The following KCNT2 variants were observed in gnomAD, a reference collection of about 807,000 sequenced individuals.
KCNT2 encodes the protein potassium sodium-activated channel subfamily T member 2, also known as potassium channel subfamily T member 2.
In KCNT2, 67 loss-of-function variants were observed where a neutral mutation model predicts 153.8. The ratio of observed to expected loss-of-function variants is 0.44; its 90% CI spans 0.36 to 0.53. The LOEUF is 0.53. Ranked by LOEUF, KCNT2 falls within the 20% of genes least tolerant of loss-of-function variation. The probability of loss-of-function intolerance (pLI) is 0.00; values close to 1 mark genes in which losing one functional copy is unlikely to be tolerated. For synonymous variants in KCNT2, 500 were observed against 458.8 expected (o/e 1.09, Z -1.15); for missense variants, 975 against 1,354.8 (o/e 0.72, Z 4.40).
chr1:196,483,659 G>C (rs2148709995), intron 3 of KCNT2, among the ~76,000 whole-genome samples: 1 of 152,176 alleles, frequency 6.6e-6, no homozygotes, highest in African/African-American at 2.4e-5. Flanking sequence ...CCCTCTCTGA[G>C]GATTCCACTT....
At chr1:196,338,744 T>C (rs1572090830) in intron 16 of KCNT2, among the ~76,000 whole-genome samples, 1 of 151,876 alleles carries the variant, frequency 6.6e-6, no homozygotes, top group East Asian at 1.9e-4. Context: ...TTGTTGATCC[T>C]GCAGTTCAGG....
intron 1 of KCNT2, among the ~76,000 whole-genome samples, chr1:196,535,690 A>G (rs1029967834): frequency 6.6e-6 from 1 of 152,202 alleles, no homozygotes; most frequent in East Asian, 1.9e-4. Flanking sequence ...TTGAGGAATC[A>G]TAGACAGTTT....
Position 196,512,455 on chromosome 1 carries a change from C to T in KCNT2, c.96-20114G>A, listed in dbSNP as rs570910894. ...CATATCGAAACTTAAATTCCTTGTT[C>T]TCTTCCCTGAAACCTCCTTTCCATG... is the stretch of plus-strand genomic sequence containing the variant. On this transcript the variant is annotated intron_variant, in intron 1 of 27. Coordinates refer to ENST00000294725, the MANE Select transcript of KCNT2 (RefSeq NM_198503.5). 2.6e-5 allele frequency among the ~76,000 whole-genome samples: 4 copies of T among 152,284 alleles called. No individual in the cohort carries two copies. The South Asian group carries it at 6.2e-4, about 24-fold the overall frequency.
At chr1:196,257,659 G>A in intron 26 of KCNT2, 1 of 968,516 alleles carries the variant, frequency 1.0e-6, no homozygotes, top group Non-Finnish European at 1.2e-6. Flanking sequence ...TCATATATAG[G>A]AACTGAACAA....
At chr1:196,431,585 A>G (rs1303519037) in intron 8 of KCNT2, among the ~76,000 whole-genome samples, 3 of 152,142 alleles carry the variant, frequency 2.0e-5, no homozygotes, top group African/African-American at 4.8e-5. Flanking sequence ...ACAAAGTGGT[A>G]AAACTTGGTA....
chr1:196,323,241 T>C (rs923918965), intron 19 of KCNT2, among the ~76,000 whole-genome samples: 5 of 151,978 alleles, frequency 3.3e-5, no homozygotes, highest in African/African-American at 9.7e-5. Context: ...CTTGGCACCA[T>C]ATGTGGAAAG....
At chr1:196,535,467 A>G (rs1471165427) in intron 1 of KCNT2, among the ~76,000 whole-genome samples, 1 of 152,158 alleles carries the variant, frequency 6.6e-6, no homozygotes, top group East Asian at 1.9e-4. Context: ...CACTCTAACA[A>G]ATATTTGAGA....
intron 11 of KCNT2, among the ~76,000 whole-genome samples, chr1:196,423,460 C>T (rs1055239138): frequency 1.3e-5 from 2 of 151,698 alleles, no homozygotes; most frequent in Non-Finnish European, 2.9e-5. Context: ...AGTATTTTAA[C>T]TGTAATGTCT....
At chr1:196,303,038 G>A (rs1190822246) in intron 22 of KCNT2, among the ~76,000 whole-genome samples, 1 of 150,856 alleles carries the variant, frequency 6.6e-6, no homozygotes, top group Non-Finnish European at 1.5e-5. Context: ...ATACCCTGAT[G>A]ACAAAAGTCC....
chr1:196,584,974 A>G (rs569672790), intron 1 of KCNT2, among the ~76,000 whole-genome samples: 42 of 152,186 alleles, frequency 2.8e-4, no homozygotes, highest in Non-Finnish European at 3.1e-4. Flanking sequence ...GTCCCATGAA[A>G]AAGAGTCAGC....
chr1:196,275,279 C>T (rs141469158), intron 25 of KCNT2, among the ~76,000 whole-genome samples: 61 of 151,814 alleles, frequency 4.0e-4, no homozygotes, highest in Admixed American at 5.3e-4. Context: ...ACTGAAAACA[C>T]ATAGATAGTG....
At chr1:196,485,611 G>A (rs528305505) in intron 3 of KCNT2, among the ~76,000 whole-genome samples, 17 of 151,792 alleles carry the variant, frequency 1.1e-4, no homozygotes, top group Non-Finnish European at 2.1e-4. Context: ...TCTAGACTAT[G>A]TCTTGTGAAA....
intron 4 of KCNT2, among the ~76,000 whole-genome samples, chr1:196,480,940 C>CAAAA (rs1388048759): frequency 4.4e-5 from 6 of 137,010 alleles, no homozygotes; most frequent in Non-Finnish European, 9.3e-5. Flanking sequence ...TTGAATAGAT[C>CAAAA]AAAATATATT....
chr1:196,364,136 T>C (rs1327361994), intron 14 of KCNT2, among the ~76,000 whole-genome samples: 1 of 152,132 alleles, frequency 6.6e-6, no homozygotes, highest in Admixed American at 6.6e-5. Flanking sequence ...GTCAATAGTA[T>C]TGTATCAGTG....
intron 13 of KCNT2, 147 bp downstream of exon 13, chr1:196,398,416 G>T: frequency 1.8e-6 from 1 of 542,904 alleles, no homozygotes; most frequent in South Asian, 2.8e-5. Flanking sequence ...AAATCCTCTC[G>T]TATCAAGTAA....
intron 9 of KCNT2, 35 bp from the exon 10 acceptor site, chr1:196,428,304 C>G: frequency 2.0e-6 from 3 of 1,501,776 alleles, no homozygotes; most frequent in Admixed American, 1.7e-5. Flanking sequence ...ATGAAAAACA[C>G]AGTAAGGAAA....
At chr1:196,584,985 A>G (rs1662499747) in intron 1 of KCNT2, among the ~76,000 whole-genome samples, 1 of 152,078 alleles carries the variant, frequency 6.6e-6, no homozygotes, top group Non-Finnish European at 1.5e-5. Flanking sequence ...AAGAGTCAGC[A>G]CACATGTGTT....
chr1:196,547,420 G>A (rs757637222), intron 1 of KCNT2, among the ~76,000 whole-genome samples: 23 of 152,068 alleles, frequency 1.5e-4, no homozygotes, highest in Admixed American at 5.3e-4. Context: ...CTGGACAGAC[G>A]ATGGATGTCT....
chr1:196,536,557 T>C (rs564263284), intron 1 of KCNT2, among the ~76,000 whole-genome samples: 2 of 152,330 alleles, frequency 1.3e-5, no homozygotes, highest in Admixed American at 6.5e-5. Flanking sequence ...TGGCCTTATC[T>C]TGCATTAGGA....
Sources: gnomAD v4.1 joint callset for allele counts (sites outside exome capture counted in the v4.1 genomes callset) on GRCh38, gnomAD v4.1.1 for gene constraint, MANE v1.5 for transcripts, NCBI Gene and HGNC (gene_info 2026-07-23, HGNC 2026-07-21) for gene names.